The following TMEM117 variants were observed in gnomAD, a reference collection of about 807,000 sequenced individuals.
The protein encoded by TMEM117 is transmembrane protein 117.
A neutral mutation model predicts 52.4 loss-of-function variants in TMEM117; 27 were observed. The observed-to-expected ratio is 0.51, with a 90% CI of 0.38 to 0.71. The LOEUF (loss-of-function observed/expected upper bound fraction) is 0.71, where lower values mean the gene tolerates loss of function less well. Ranked by LOEUF, TMEM117 falls within the 30% of genes least tolerant of loss-of-function variation. TMEM117 has a pLI of 0.00. For synonymous variants in TMEM117, 215 were observed against 206.3 expected (o/e 1.04, Z -0.36); for missense variants, 556 against 630.5 (o/e 0.88, Z 1.26).
chr12:43,858,993 C>G (rs944716889), intron 2 of TMEM117, among the ~76,000 whole-genome samples: 1 of 152,022 alleles, frequency 6.6e-6, no homozygotes. Context: ...GAAGTCAAAC[C>G]GAAGAGAAAT....
chr12:43,905,313 T>C (rs1478589334), intron 2 of TMEM117, among the ~76,000 whole-genome samples: 1 of 152,142 alleles, frequency 6.6e-6, no homozygotes, highest in Non-Finnish European at 1.5e-5. Context: ...TTGAGTATTC[T>C]TTCTATTCAT....
chr12:44,390,773 C>A (rs2138882907), downstream of TMEM117, among the ~76,000 whole-genome samples: 1 of 152,158 alleles, frequency 6.6e-6, no homozygotes, highest in African/African-American at 2.4e-5. Context: ...TGATAGTGAC[C>A]TTTTCTTACC....
chr12:43,922,581 G>A (rs1373418969), intron 2 of TMEM117, among the ~76,000 whole-genome samples: 1 of 152,138 alleles, frequency 6.6e-6, no homozygotes, highest in East Asian at 1.9e-4. Flanking sequence ...CAGGTCTGTT[G>A]ATGGCTAAAA....
At chr12:43,828,296 G>C in the TMEM117 span, among the ~76,000 whole-genome samples, 1 of 152,236 alleles carries the variant, frequency 6.6e-6, no homozygotes, top group East Asian at 1.9e-4. Context: ...AATGTACTCT[G>C]TGAGATTCAG....
chr12:43,876,538 C>T (rs1196158484), intron 2 of TMEM117, among the ~76,000 whole-genome samples: 1 of 152,170 alleles, frequency 6.6e-6, no homozygotes, highest in Non-Finnish European at 1.5e-5. Flanking sequence ...TTGCAGTGCA[C>T]TGAATATGGT....
intron 3 of TMEM117, among the ~76,000 whole-genome samples, chr12:44,066,565 G>A (rs549492974): frequency 4.6e-5 from 7 of 152,260 alleles, no homozygotes; most frequent in South Asian, 2.1e-4. Flanking sequence ...TTCCCAATGC[G>A]TATAAAAGCT....
At chr12:44,126,304 C>G (rs1484993999) in intron 3 of TMEM117, among the ~76,000 whole-genome samples, 1 of 152,186 alleles carries the variant, frequency 6.6e-6, no homozygotes, top group African/African-American at 2.4e-5. Flanking sequence ...CAAAGGTCAA[C>G]TGTATGTGCT....
intron 6 of TMEM117, among the ~76,000 whole-genome samples, chr12:44,357,537 C>T (rs1039605021): frequency 1.3e-5 from 2 of 152,018 alleles, no homozygotes; most frequent in East Asian, 3.9e-4. Flanking sequence ...TAGAGTAGAA[C>T]ATTCTAAGTG....
the TMEM117 span, among the ~76,000 whole-genome samples, chr12:43,815,346 A>G: frequency 6.6e-6 from 1 of 152,208 alleles, no homozygotes; most frequent in Non-Finnish European, 1.5e-5. Flanking sequence ...AAGCCTTGTG[A>G]CGAGTTGGCA....
chr12:44,137,509 G>T (rs1948508268), intron 3 of TMEM117, among the ~76,000 whole-genome samples: 1 of 152,074 alleles, frequency 6.6e-6, no homozygotes, highest in African/African-American at 2.4e-5. Context: ...TATCCATGTT[G>T]TCTTAGTCCA....
chr12:44,157,350 G>A (rs1240067176), intron 4 of TMEM117, among the ~76,000 whole-genome samples: 1 of 148,042 alleles, frequency 6.8e-6, no homozygotes, highest in African/African-American at 2.7e-5. Context: ...GATAAAGCAT[G>A]TGGAATTATG....
chr12:44,308,164 G>A (rs17094412), intron 6 of TMEM117, among the ~76,000 whole-genome samples: 7,299 of 152,128 alleles, frequency 0.048, 361 homozygotes, highest in African/African-American at 0.12. Context: ...TCAGTCCCTG[G>A]GGTATTCGTT....
At chr12:44,316,408 C>T (rs73088659) in intron 6 of TMEM117, among the ~76,000 whole-genome samples, 5,235 of 152,152 alleles carry the variant, frequency 0.034, 108 homozygotes, top group Middle Eastern at 0.13. Context: ...AAAATAGGCC[C>T]CCAATCTCTT....
chr12:44,028,179 C>T (rs976896163), intron 3 of TMEM117, among the ~76,000 whole-genome samples: 1 of 152,014 alleles, frequency 6.6e-6, no homozygotes, highest in Non-Finnish European at 1.5e-5. Context: ...GGTGACAGAG[C>T]GAGACTCCGT....
chr12:43,803,881 A>G, the TMEM117 span, among the ~76,000 whole-genome samples: 1 of 152,120 alleles, frequency 6.6e-6, no homozygotes, highest in East Asian at 1.9e-4. Flanking sequence ...ATATTTTAAT[A>G]TATTCATTTA....
rs73286217 is a variant in TMEM117, at chr12:43,988,085, T to G, written c.410+43743T>G. On this transcript the variant is annotated intron_variant, in intron 3 of 7. Transcript: ENST00000266534. Reference sequence around the variant, plus strand: ...TGCCTTTAGAATCTTAGAACAAGCCTTAGGAAAGACATTACTACCTATGGA... The same window carrying G: ...TGCCTTTAGAATCTTAGAACAAGCCGTAGGAAAGACATTACTACCTATGGA... Among the ~76,000 whole-genome samples the G allele has an allele frequency of 5.9e-3, 902 of 152,230 alleles. 10 individuals carry two copies. The highest frequency in any genetic ancestry group is 0.02 in the African/African-American group (849 of 41,560).
chr12:44,108,295 G>T (rs373087376), intron 3 of TMEM117, among the ~76,000 whole-genome samples: 1 of 141,624 alleles, frequency 7.1e-6, no homozygotes, highest in Non-Finnish European at 1.5e-5. Flanking sequence ...ATGCTGGTGC[G>T]CTGCACCCAC....
At chr12:43,916,145 G>A (rs1286632118) in intron 2 of TMEM117, among the ~76,000 whole-genome samples, 5 of 152,164 alleles carry the variant, frequency 3.3e-5, no homozygotes, top group Non-Finnish European at 4.4e-5. Context: ...GAGGGAGAAT[G>A]TTAGAAGGGG....
At chr12:44,228,767 G>A (rs1208766090) in intron 5 of TMEM117, among the ~76,000 whole-genome samples, 1 of 152,104 alleles carries the variant, frequency 6.6e-6, no homozygotes, top group Admixed American at 6.6e-5. Context: ...AAAAAGGCCA[G>A]CATATCCTAT....
Sources: allele counts gnomAD v4.1 joint callset (sites outside exome capture counted in the v4.1 genomes callset), GRCh38; gene constraint gnomAD v4.1.1; transcripts MANE v1.5; gene names NCBI Gene and HGNC (gene_info 2026-07-23, HGNC 2026-07-21).